NEB: variants seen among roughly 807,000 people sequenced by gnomAD.
NEB encodes the protein nemaline myopathy type 2.
In NEB, 512 loss-of-function variants were observed where a neutral mutation model predicts 952.2. The ratio of observed to expected loss-of-function variants is 0.54; its 90% CI spans 0.50 to 0.58. The LOEUF (loss-of-function observed/expected upper bound fraction) is 0.58, where lower values mean the gene tolerates loss of function less well. NEB is among the 20% of genes least tolerant of loss of function. The pLI, the probability that NEB is intolerant of heterozygous loss-of-function variation, is 0.00. For synonymous variants in NEB, 2,900 were observed against 3,149.8 expected (o/e 0.92, Z 2.66); for missense variants, 8,428 against 9,231.1 (o/e 0.91, Z 3.56).
chr2:151,662,065 T>A, intron 46 of NEB, 70 bp downstream of exon 46: 1 of 1,377,296 alleles, frequency 7.3e-7, no homozygotes, highest in Admixed American at 2.1e-5. Context: ...GCAAAACCTG[T>A]GGATTAAATG....
In NEB at chr2:151,679,899, C is replaced by CGT. The variant is rs772126406; in HGVS notation, c.3147+17_3147+18dup. On this transcript the variant is annotated intron_variant, in intron 31 of 181. Transcript: ENST00000397345. ...TAAAGTCTGGACATACGCATCAGCC[C>CGT]GTGAGTCCACCCACGCACCTCACTG... The CGT allele has an allele frequency of 6.2e-7, 1 of 1,608,522 alleles. No individual in the cohort carries two copies. The highest frequency in any genetic ancestry group is 1.7e-5 in the Admixed American group (1 of 60,006).
Position 151,614,426 on chromosome 2 carries a change from G to C in NEB, c.11451C>G (p.Ser3817Arg). Residue 3817 changes from serine (S) to arginine (R), a missense_variant, in exon 77 of 182, where the codon AGC becomes AGG. This residue lies in a region of NEB where 1,772 missense variants were observed against 1,960.3 expected (regional missense o/e 0.90). Transcript: ENST00000397345. ...EFEKWKTKFS[S>R]PVDMLGVVLA... is the part of the protein sequence containing the mutation. ...GCACCACCCCCAGCATGTCCACTGG[G>C]CTGCTGAACTTGGTCTTCCACTTCT... 1 of 1,613,844 alleles carries C rather than the reference G, an allele frequency of 6.2e-7. No individual in the cohort carries two copies. Among genetic ancestry groups the C allele is most frequent in the Non-Finnish European group, 8.5e-7 (1 of 1,179,838 alleles).
At chr2:151,721,854 G>A (rs984662152) in intron 9 of NEB, among the ~76,000 whole-genome samples, 2 of 152,190 alleles carry the variant, frequency 1.3e-5, no homozygotes, top group African/African-American at 4.8e-5. Flanking sequence ...GGTATCATGT[G>A]CTAGATGACT....
chr2:151,533,391 G>A, intron 143 of NEB, 51 bp downstream of exon 143: 1 of 1,178,148 alleles, frequency 8.5e-7, no homozygotes, highest in Non-Finnish European at 1.2e-6. Flanking sequence ...ACAAGGGAAT[G>A]CATCCAAGAC....
At chr2:151,490,546 T>G (rs1332855835) in intron 179 of NEB, 28 bp from the exon 180 acceptor site, 2 of 1,602,354 alleles carry the variant, frequency 1.2e-6, no homozygotes, top group Admixed American at 3.4e-5. Context: ...GGGGGAGATG[T>G]AGCAAACATG....
At chr2:151,659,466 A>G (rs571174587) in intron 46 of NEB, among the ~76,000 whole-genome samples, 2 of 151,768 alleles carry the variant, frequency 1.3e-5, no homozygotes, top group Non-Finnish European at 2.9e-5. Context: ...ATGCCTGGCT[A>G]ATTTTTGTAT....
At chr2:151,500,412 G>GC (rs1446706301) in intron 168 of NEB, among the ~76,000 whole-genome samples, 2 of 119,056 alleles carry the variant, frequency 1.7e-5, no homozygotes, top group African/African-American at 5.9e-5. Flanking sequence ...AAGCTTCAGA[G>GC]TTGTATATAA....
At chr2:151,702,928 T>C (rs2099681960) in intron 13 of NEB, among the ~76,000 whole-genome samples, 4 of 152,176 alleles carry the variant, frequency 2.6e-5, no homozygotes, top group Admixed American at 2.6e-4. Context: ...AGCTTGCTCG[T>C]TAGTTGATGC....
At chr2:151,499,501 G>C (rs2062823010) in intron 168 of NEB, 111 bp from the exon 169 acceptor site, 7 of 654,734 alleles carry the variant, frequency 1.1e-5, no homozygotes, top group Non-Finnish European at 2.7e-6. Flanking sequence ...AGAAAAGACA[G>C]ATTCAACAAG....
chr2:151,610,918 T>C (rs975565703), intron 78 of NEB, 52 bp from the exon 79 acceptor site: 1 of 1,162,734 alleles, frequency 8.6e-7, no homozygotes, highest in Non-Finnish European at 1.2e-6. Context: ...GTATAAGACC[T>C]TCTGTTAAAG....
chr2:151,534,556 CCAAA>C (rs1271902253), intron 142 of NEB, among the ~76,000 whole-genome samples: 3 of 152,102 alleles, frequency 2.0e-5, no homozygotes, highest in Non-Finnish European at 4.4e-5. Flanking sequence ...TTCCTTGTGC[CCAAA>C]CATTTTCCAT....
At chr2:151,699,750 A>C (rs1316706255) in intron 13 of NEB, among the ~76,000 whole-genome samples, 25 of 128,338 alleles carry the variant, frequency 1.9e-4, no homozygotes, top group Middle Eastern at 4.4e-3. Flanking sequence ...TTCATTGTAG[A>C]TTCTGGATAT....
At position 151,727,706 on chromosome 2, in the gene NEB, C is replaced by T. The variant is rs2099795446; in HGVS notation, c.279G>A (p.Gln93=). ...TGAAACTTACTGGGCTAAAAAGATC[C>T]TGCATTTTCTGACTGTGTGCAATGT... ...TPYIAHSQKM[Q]DLFSPNKYKE... The change falls in exon 5 of 182, where the codon CAG becomes CAA. Residue 93 remains glutamine (Q), a synonymous_variant. Transcript: ENST00000397345. The T allele has an allele frequency of 1.2e-6, 2 of 1,612,592 alleles. No homozygotes were observed. The highest frequency in any genetic ancestry group is 1.1e-5 in the South Asian group (1 of 91,034).
Position 151,675,278 on chromosome 2 carries a change from C to G in NEB, c.3879+9G>C. The G allele has an allele frequency of 6.5e-7, 1 of 1,538,452 alleles. No homozygotes were observed. The highest frequency in any genetic ancestry group is 8.9e-7 in the Non-Finnish European group (1 of 1,124,678). ...CCGAATTTCACATCCCAGCAAAGAC[C>G]CTACTTACGTCACTTATATTGTAAG... On this transcript the variant is annotated intron_variant, in intron 35 of 181. Transcript: ENST00000397345.
At chr2:151,716,265 A>G (rs1007923297) in intron 10 of NEB, 4 of 311,172 alleles carry the variant, frequency 1.3e-5, no homozygotes, top group African/African-American at 8.9e-5. Context: ...CAGCCTCCCA[A>G]GTAGCTGAGA....
intron 153 of NEB, among the ~76,000 whole-genome samples, chr2:151,520,731 G>T (rs914726653): frequency 2.0e-5 from 3 of 151,924 alleles, no homozygotes; most frequent in Admixed American, 2.0e-4. Context: ...GGGCATTGTG[G>T]TGCACCCCTG....
Position 151,569,197 on chromosome 2 carries a change from A to G in NEB, c.17535+71T>C, listed in dbSNP as rs1366690575. ...TTAAGATTGCTGATATTAGATGACT[A>G]TATTTTAGCTTGTGCATTTTGTCAC... is the stretch of plus-strand genomic sequence containing the variant. On this transcript the variant is annotated intron_variant, in intron 110 of 181. Transcript: ENST00000397345. 2.5e-6 allele frequency: 3 copies of G among 1,218,124 alleles called. No individual in the cohort carries two copies. The Admixed American group carries it at 5.2e-5, about 21-fold the overall frequency. 75.5% of individuals were successfully genotyped at this position (1,218,124 alleles called of 1,614,324 possible). A position where few individuals can be genotyped will look rare whatever the true frequency, so the allele number is the denominator to read the frequency against.
intron 171 of NEB, 119 bp downstream of exon 171, chr2:151,497,507 A>AAAG: frequency 6.7e-7 from 1 of 1,493,866 alleles, no homozygotes; most frequent in Non-Finnish European, 8.9e-7. Flanking sequence ...TAAATTTGCT[A>AAAG]AAGAAATTCA....
At chr2:151,617,519 G>T (rs1220552589) in intron 74 of NEB, 51 bp from the exon 75 acceptor site, 19 of 1,200,912 alleles carry the variant, frequency 1.6e-5, no homozygotes, top group Non-Finnish European at 2.1e-5. Context: ...TTATTTTGGT[G>T]TTCACAGATA....
Sources: allele counts gnomAD v4.1 joint callset (sites outside exome capture counted in the v4.1 genomes callset), GRCh38; gene constraint gnomAD v4.1.1; regional missense constraint gnomAD v4.1.1; transcripts MANE v1.5; gene names NCBI Gene and HGNC (gene_info 2026-07-23, HGNC 2026-07-21).